Variants in STPG2 observed in about 807,000 individuals in gnomAD.
STPG2 encodes the protein sperm-tail PG-rich repeat-containing protein 2.
STPG2 carries 56 observed loss-of-function variants against 54.2 expected under a neutral mutation model. That is an observed-to-expected ratio of 1.03 (90% CI 0.83 to 1.29). STPG2 has a LOEUF of 1.29. Among genes scored for constraint, STPG2 ranks in the 50% most tolerant of loss-of-function variants. The pLI is 0.00. For synonymous variants in STPG2, 200 were observed against 181.8 expected, an observed-to-expected ratio of 1.10 and a Z score of -0.81; for missense variants, 596 against 544.9, an observed-to-expected ratio of 1.09 and a Z score of -0.93.
intron 10 of STPG2, among the ~76,000 whole-genome samples, chr4:97,662,495 G>T (rs1222928671): frequency 6.6e-6 from 1 of 152,072 alleles, no homozygotes; most frequent in Non-Finnish European, 1.5e-5. Context: ...ATTCAACCCA[G>T]CAATCTGATT....
At chr4:98,005,371 A>AT (rs1430274680) in intron 5 of STPG2, among the ~76,000 whole-genome samples, 3 of 152,192 alleles carry the variant, frequency 2.0e-5, no homozygotes, top group African/African-American at 7.2e-5. Context: ...ACTTAGTATT[A>AT]ATCATCACAT....
At chr4:97,442,224 TTTG>T (rs1280881139) in intron 4 of STPG2, among the ~76,000 whole-genome samples, 9 of 149,736 alleles carry the variant, frequency 6.0e-5, no homozygotes, top group Non-Finnish European at 1.2e-4. Context: ...CATGTTTTTT[TTTG>T]TTTTTTTTTT....
At chr4:97,606,486 G>C (rs1733596829) in intron 10 of STPG2, among the ~76,000 whole-genome samples, 1 of 151,820 alleles carries the variant, frequency 6.6e-6, no homozygotes, top group Admixed American at 6.6e-5. Context: ...TATATATAGA[G>C]AGAGAGATAG....
chr4:97,949,284 C>T (rs1170400131), intron 7 of STPG2, among the ~76,000 whole-genome samples: 3 of 151,982 alleles, frequency 2.0e-5, no homozygotes, highest in Non-Finnish European at 4.4e-5. Flanking sequence ...TTTTACCACC[C>T]TTTTACCTTG....
intron 5 of STPG2, among the ~76,000 whole-genome samples, chr4:98,005,359 A>G (rs1735545876): frequency 6.6e-6 from 1 of 152,156 alleles, no homozygotes; most frequent in Non-Finnish European, 1.5e-5. Flanking sequence ...AATCAAGTTG[A>G]CACTTAGTAT....
intron 10 of STPG2, among the ~76,000 whole-genome samples, chr4:97,700,879 T>C (rs1723749621): frequency 6.6e-6 from 1 of 152,218 alleles, no homozygotes; most frequent in Admixed American, 6.5e-5. Context: ...ATGTGTTAAT[T>C]TGCTCAAATC....
At chr4:97,694,254 T>A (rs943565329) in intron 10 of STPG2, among the ~76,000 whole-genome samples, 1 of 152,022 alleles carries the variant, frequency 6.6e-6, no homozygotes, top group Non-Finnish European at 1.5e-5. Context: ...AAGATAAATA[T>A]AATTGATAGA....
intron 9 of STPG2, among the ~76,000 whole-genome samples, chr4:97,770,124 TCGCTTGA>T (rs1726175697): frequency 6.6e-6 from 1 of 152,070 alleles, no homozygotes; most frequent in Non-Finnish European, 1.5e-5. Context: ...GGCAGGAAAG[TCGCTTGA>T]ACCTGGGAGG....
chr4:98,114,756 TTTTTTTTTTTG>T (rs1188701512), intron 3 of STPG2, among the ~76,000 whole-genome samples: 23 of 12,660 alleles, frequency 1.8e-3, no homozygotes, highest in Non-Finnish European at 2.9e-3. Context: ...AATATCCATT[TTTTTTTTTTTG>T]TGTGTGTGTG....
At chr4:97,509,054 G>A (rs1016299418) in intron 4 of STPG2, among the ~76,000 whole-genome samples, 3 of 152,034 alleles carry the variant, frequency 2.0e-5, no homozygotes, top group Non-Finnish European at 2.9e-5. Flanking sequence ...TGTTACCAAT[G>A]TACTCAGAGC....
chr4:97,738,485 C>A (rs888575177), intron 9 of STPG2, among the ~76,000 whole-genome samples: 5 of 152,100 alleles, frequency 3.3e-5, no homozygotes, highest in South Asian at 2.1e-4. Context: ...TGCAGAGACA[C>A]ACATAGGCTC....
At chr4:98,105,062 TGTGTTCAAATAAG>T (rs1739151548) in intron 5 of STPG2, among the ~76,000 whole-genome samples, 1 of 152,232 alleles carries the variant, frequency 6.6e-6, no homozygotes, top group South Asian at 2.1e-4. Flanking sequence ...GTGTTCAAAC[TGTGTTCAAATAAG>T]GCAAATGCCA....
chr4:98,070,005 A>G (rs1324034709), intron 5 of STPG2, among the ~76,000 whole-genome samples: 2 of 152,136 alleles, frequency 1.3e-5, no homozygotes, highest in East Asian at 3.9e-4. Flanking sequence ...CAAAAATTGA[A>G]AAGGAGGGAC....
In STPG2 at chr4:97,969,152, G is replaced by C. The variant is rs191952391; in HGVS notation, c.933+3128C>G. Among the ~76,000 whole-genome samples the C allele has an allele frequency of 2.9e-3, 438 of 152,282 alleles. 3 individuals are homozygous for C. Among genetic ancestry groups the C allele is most frequent in the African/African-American group, 9.9e-3 (413 of 41,558 alleles). ...AATTTCTGGTCTAACCAGTTGTCTA[G>C]TTTCAGGTCCTGTATCTATGGATTG... On this transcript the variant is annotated intron_variant, in intron 7 of 10. Coordinates refer to ENST00000295268, the MANE Select transcript of STPG2 (RefSeq NM_174952.3).
At chr4:98,134,669 T>C (rs1740091360) in intron 1 of STPG2, among the ~76,000 whole-genome samples, 1 of 150,670 alleles carries the variant, frequency 6.6e-6, no homozygotes, top group South Asian at 2.1e-4. Context: ...CCTAAAGAAC[T>C]TGACTTATTG....
At chr4:97,525,732 C>T (rs1731267515) in intron 4 of STPG2, among the ~76,000 whole-genome samples, 2 of 151,584 alleles carry the variant, frequency 1.3e-5, no homozygotes, top group East Asian at 3.9e-4. Context: ...ATTTGGCCCA[C>T]AAGGACATTA....
intron 4 of STPG2, among the ~76,000 whole-genome samples, chr4:97,481,359 TTG>T (rs2148821114): frequency 6.6e-6 from 1 of 151,688 alleles, no homozygotes; most frequent in South Asian, 2.1e-4. Flanking sequence ...TTTGAGTAAT[TTG>T]TATTTCCACA....
intron 7 of STPG2, among the ~76,000 whole-genome samples, chr4:97,952,482 C>G (rs1393847731): frequency 6.6e-6 from 1 of 152,190 alleles, no homozygotes; most frequent in Non-Finnish European, 1.5e-5. Context: ...ATGTGGCATA[C>G]TTTCCTTTCG....
intron 7 of STPG2, among the ~76,000 whole-genome samples, chr4:97,948,499 G>A (rs1443253112): frequency 1.3e-5 from 2 of 152,046 alleles, no homozygotes; most frequent in Non-Finnish European, 2.9e-5. Flanking sequence ...TCTTTGAGGT[G>A]TTACATTAGG....
Sources: gnomAD v4.1 joint callset for allele counts (sites outside exome capture counted in the v4.1 genomes callset) on GRCh38, gnomAD v4.1.1 for gene constraint, MANE v1.5 for transcripts, NCBI Gene and HGNC (gene_info 2026-07-23, HGNC 2026-07-21) for gene names.